Variants in MYO5B observed in about 807,000 individuals in gnomAD.
MYO5B encodes the protein unconventional myosin-Vb.
Under a neutral mutation model 229.3 loss-of-function variants are expected in MYO5B, and 143 were observed. The ratio of observed to expected loss-of-function variants is 0.62; its 90% CI spans 0.54 to 0.72. The LOEUF (loss-of-function observed/expected upper bound fraction) is 0.72. MYO5B is among the 30% of genes least tolerant of loss of function. The probability of loss-of-function intolerance (pLI) is 0.00; values close to 1 mark genes in which losing one functional copy is unlikely to be tolerated. For synonymous variants in MYO5B, 918 were observed against 885.2 expected (o/e 1.04, Z -0.66); for missense variants, 2,321 against 2,331.0 (o/e 1.00, Z 0.09).
intron 1 of MYO5B, among the ~76,000 whole-genome samples, chr18:50,181,653 C>CCACCCCAAAGGAAACAGAACACCTT (rs2033075417): frequency 6.6e-6 from 1 of 152,210 alleles, no homozygotes. Context: ...GCCCAAGTGA[C>CCACCCCAAAGGAAACAGAACACCTT]CACCCCAAAG....
intron 1 of MYO5B, among the ~76,000 whole-genome samples, chr18:50,152,661 GC>G (rs1300746236): frequency 3.9e-5 from 6 of 152,080 alleles, no homozygotes; most frequent in African/African-American, 1.4e-4. Flanking sequence ...CCACTAACAT[GC>G]AGGCCCAACT....
At chr18:50,069,487 G>A (rs2030901831) in intron 1 of MYO5B, among the ~76,000 whole-genome samples, 1 of 152,122 alleles carries the variant, frequency 6.6e-6, no homozygotes, top group African/African-American at 2.4e-5. Context: ...TTAGTCTACA[G>A]CTAGATGTGA....
At chr18:49,934,636 A>G (rs2025229755) in intron 16 of MYO5B, among the ~76,000 whole-genome samples, 1 of 152,180 alleles carries the variant, frequency 6.6e-6, no homozygotes, top group Non-Finnish European at 1.5e-5. Context: ...CACACACACT[A>G]CGCTTCTAAC....
chr18:50,070,070 G>T (rs985584485), intron 1 of MYO5B, among the ~76,000 whole-genome samples: 1 of 141,638 alleles, frequency 7.1e-6, no homozygotes, highest in South Asian at 2.2e-4. Flanking sequence ...CACCCAGGCT[G>T]GAGTGCAGGG....
intron 5 of MYO5B, among the ~76,000 whole-genome samples, chr18:49,994,086 C>T (rs1485850649): frequency 1.3e-5 from 2 of 152,134 alleles, no homozygotes; most frequent in African/African-American, 4.8e-5. Context: ...GACTCATCTT[C>T]CTTCAGGTCT....
intron 17 of MYO5B, among the ~76,000 whole-genome samples, chr18:49,913,993 T>A (rs2024985566): frequency 6.6e-6 from 1 of 151,326 alleles, no homozygotes; most frequent in South Asian, 2.1e-4. Context: ...TCCCCATCCA[T>A]CCCGCTAAGA....
At chr18:50,152,014 G>A (rs1413269632) in intron 1 of MYO5B, among the ~76,000 whole-genome samples, 1 of 152,180 alleles carries the variant, frequency 6.6e-6, no homozygotes, top group Non-Finnish European at 1.5e-5. Flanking sequence ...CAAGATGGCT[G>A]GGGGCACAGT....
At chr18:50,146,604 G>A (rs555007697) in intron 1 of MYO5B, among the ~76,000 whole-genome samples, 113 of 152,268 alleles carry the variant, frequency 7.4e-4, no homozygotes, top group African/African-American at 2.4e-3. Flanking sequence ...AAGCACAAAG[G>A]CCTCCAAACA....
At chr18:50,121,991 A>C (rs894408460) in intron 1 of MYO5B, among the ~76,000 whole-genome samples, 1 of 152,246 alleles carries the variant, frequency 6.6e-6, no homozygotes, top group African/African-American at 2.4e-5. Context: ...CTGGCTATGG[A>C]AAGTTCATGA....
intron 21 of MYO5B, among the ~76,000 whole-genome samples, chr18:49,898,442 A>G (rs2024804745): frequency 1.3e-5 from 2 of 152,236 alleles, no homozygotes; most frequent in African/African-American, 4.8e-5. Context: ...TAAACTGGCC[A>G]ACTCTAAATG....
chr18:49,825,299 T>C lies in MYO5B; in HGVS notation c.*1172A>G, dbSNP rs2023828331. The C allele has an allele frequency of 6.6e-6, 1 of 152,232 alleles. No individual in the cohort carries two copies. The allele number at this position is 152,232 out of a possible 1,614,324, so 9.4% of individuals were successfully genotyped here. On this transcript the variant is annotated 3_prime_UTR_variant, in exon 40 of 40. Transcript: ENST00000285039. ...TAAGCCTGTTATATTACTGAATTACTTTTTTAAAATCCTTATTTTGTGGGA... is the reference window on the plus strand; with the variant it reads ...TAAGCCTGTTATATTACTGAATTACCTTTTTAAAATCCTTATTTTGTGGGA...
intron 17 of MYO5B, among the ~76,000 whole-genome samples, chr18:49,915,003 C>T (rs1199728369): frequency 6.6e-6 from 1 of 152,096 alleles, no homozygotes; most frequent in Admixed American, 6.5e-5. Context: ...AGGCTGAGCT[C>T]CTTGTCTTTC....
rs2024138145 is a variant in MYO5B at position 49,847,098 on chromosome 18, G to A, written c.4459+48C>T. The A allele has an allele frequency of 1.9e-6, 3 of 1,612,332 alleles. No individual in the cohort carries two copies. The East Asian group carries it at 6.7e-5, about 36-fold the overall frequency. The stretch of plus-strand genomic sequence containing the variant: ...GTGCTGGGGATGGAGATGGGAGCGG[G>A]GGCTGAAGGAGGGGCAGGCAGCATA... On this transcript the variant is annotated intron_variant, in intron 33 of 39. Transcript: ENST00000285039.
Position 49,894,969 on chromosome 18 carries a change from T to C in MYO5B, c.3017A>G (p.His1006Arg). The change falls in exon 22 of 40, where the codon CAC (histidine) becomes CGC (arginine). Residue 1006 changes from histidine (H) to arginine (R), a missense_variant. Physicochemically the swap from His to Arg is conservative, Grantham distance 29. Coordinates refer to ENST00000285039, the MANE Select transcript of MYO5B (RefSeq NM_001080467.3). The stretch of plus-strand genomic sequence containing the variant: ...CCTCAGCTCATCTTTCTCCCTGCTG[T>C]GGGCGTCCTCCAAGATCTTGCGCTC... ...HSERKILEDA[H>R]SREKDELRKR... is the part of the protein sequence containing the mutation. 5.6e-6 allele frequency: 9 copies of C among 1,613,524 alleles called. No homozygotes were observed. Among genetic ancestry groups the C allele is most frequent in the Non-Finnish European group, 7.6e-6 (9 of 1,180,038 alleles).
chr18:50,083,558 T>C (rs2031266345), intron 1 of MYO5B, among the ~76,000 whole-genome samples: 2 of 152,196 alleles, frequency 1.3e-5, no homozygotes, highest in African/African-American at 2.4e-5. Context: ...GACCCAAATA[T>C]ACACATTTGT....
chr18:50,138,905 C>T (rs2032376674), intron 1 of MYO5B, among the ~76,000 whole-genome samples: 1 of 152,206 alleles, frequency 6.6e-6, no homozygotes, highest in Admixed American at 6.5e-5. Context: ...GGCCTGGTGC[C>T]ACCATCCCCA....
intron 22 of MYO5B, among the ~76,000 whole-genome samples, chr18:49,886,100 C>T (rs574385853): frequency 8.9e-4 from 135 of 152,130 alleles, no homozygotes; most frequent in Non-Finnish European, 1.1e-3. Context: ...CCAACATGCC[C>T]GGCTAATTTT....
At chr18:50,009,132 C>CTTTG (rs2026134864) in intron 4 of MYO5B, among the ~76,000 whole-genome samples, 1 of 152,114 alleles carries the variant, frequency 6.6e-6, no homozygotes. Flanking sequence ...AATCACAGCA[C>CTTTG]CTTGGGAGGC....
At chr18:50,134,596 ATAAATAAT>A (rs1403811899) in intron 1 of MYO5B, among the ~76,000 whole-genome samples, 1 of 142,644 alleles carries the variant, frequency 7.0e-6, no homozygotes, top group Non-Finnish European at 1.5e-5. Context: ...AAATAAATAA[ATAAATAAT>A]AGCAGCCTCA....
Sources: gnomAD v4.1 joint callset for allele counts (sites outside exome capture counted in the v4.1 genomes callset) on GRCh38, gnomAD v4.1.1 for gene constraint, MANE v1.5 for transcripts, NCBI Gene and HGNC (gene_info 2026-07-23, HGNC 2026-07-21) for gene names.